PRKCZ: variants seen among roughly 807,000 people sequenced by gnomAD.
PRKCZ encodes the protein protein kinase C zeta type.
Under a neutral mutation model 79.5 loss-of-function variants are expected in PRKCZ, and 33 were observed. The observed-to-expected ratio is 0.41, with a 90% CI of 0.31 to 0.55. PRKCZ has a LOEUF of 0.55. Among genes scored for constraint, PRKCZ ranks in the 20% least tolerant of loss-of-function variants. The pLI is 0.19. For synonymous variants in PRKCZ, 342 were observed against 320.9 expected (o/e 1.07, Z -0.70); for missense variants, 578 against 813.5 (o/e 0.71, Z 3.52).
In PRKCZ at chr1:2,050,616, C is replaced by CG. The variant is rs1205324776; in HGVS notation, c.-9dup. 8.2e-7 allele frequency: 1 copy of CG among 1,220,804 alleles called. No individual in the cohort carries two copies. The highest frequency in any genetic ancestry group is 1.0e-6 in the Non-Finnish European group (1 of 980,190). The allele number at this position is 1,220,804 out of a possible 1,614,324, so 75.6% of individuals were successfully genotyped here. On this transcript the variant is annotated 5_prime_UTR_variant, in exon 1 of 18. Transcript: ENST00000378567. ...TCCCGGGGCGCAGCGCTGACGGCGG[C>CG]GGGGGGAGCGCGCCATGCCCAGCAG...
At chr1:2,180,509 A>G (rs1686382927) in intron 16 of PRKCZ, among the ~76,000 whole-genome samples, 1 of 150,100 alleles carries the variant, frequency 6.7e-6, no homozygotes, top group African/African-American at 2.5e-5. Context: ...CGCACAGATG[A>G]CGTGGACGCA....
At chr1:2,155,259 T>C (rs1028871939) in intron 9 of PRKCZ, among the ~76,000 whole-genome samples, 4 of 148,768 alleles carry the variant, frequency 2.7e-5, no homozygotes, top group East Asian at 2.0e-4. Flanking sequence ...AGTGATGACA[T>C]TGAGGATGAC....
At chr1:2,072,965 A>G (rs957768789) in intron 4 of PRKCZ, among the ~76,000 whole-genome samples, 3 of 152,014 alleles carry the variant, frequency 2.0e-5, no homozygotes, top group Non-Finnish European at 4.4e-5. Context: ...CATGTTTTTT[A>G]TGATTGGAGG....
chr1:2,050,652 A>T lies in PRKCZ; in HGVS notation c.22A>T (p.Lys8Ter). ...CGCCATGCCCAGCAGGACCGGCCCC[A>T]AGATGGAAGGGAGCGGCGGCCGCGT... Reference protein sequence around the residue: MPSRTGPKMEGSGGRVRL... With the variant: MPSRTGP The change falls in exon 1 of 18, where the codon AAG (lysine) becomes TAG (stop). Residue 8 changes from lysine (K) to a stop codon, truncating the protein, a stop_gained. Coordinates refer to ENST00000378567, the MANE Select transcript of PRKCZ (RefSeq NM_002744.6). LOFTEE classifies it high-confidence loss of function. The T allele has an allele frequency of 8.2e-7, 1 of 1,226,500 alleles. No individual in the cohort carries two copies. The highest frequency in any genetic ancestry group is 1.0e-6 in the Non-Finnish European group (1 of 984,432). 76.0% of individuals were successfully genotyped at this position (1,226,500 alleles called of 1,614,324 possible). A position where few individuals can be genotyped will look rare whatever the true frequency, so the allele number is the denominator to read the frequency against.
At chr1:2,053,320 C>T (rs551804863) in intron 1 of PRKCZ, among the ~76,000 whole-genome samples, 3 of 152,226 alleles carry the variant, frequency 2.0e-5, no homozygotes, top group Admixed American at 6.5e-5. Context: ...AGGCTGGTCT[C>T]GAACTTCTGA....
At chr1:2,154,631 G>A (rs562037285) in intron 9 of PRKCZ, among the ~76,000 whole-genome samples, 13 of 152,190 alleles carry the variant, frequency 8.5e-5, no homozygotes, top group East Asian at 1.9e-4. Flanking sequence ...TCCAGAGGTC[G>A]AGGCTGCAGT....
At chr1:2,182,530 T>TC (rs1686805327) in intron 16 of PRKCZ, 1 of 154,988 alleles carries the variant, frequency 6.5e-6, no homozygotes, top group South Asian at 2.0e-4. Context: ...TCTTGGCTCT[T>TC]CCGGAGGGAA....
At position 2,157,075 on chromosome 1, in the gene PRKCZ, G is replaced by A. The variant is rs114017487; in HGVS notation, c.974+983G>A. Among the ~76,000 whole-genome samples the A allele has an allele frequency of 1.6e-4, 24 of 152,350 alleles. 1 individual carries two copies. The highest frequency in any genetic ancestry group is 2.9e-4 in the Non-Finnish European group (20 of 68,032). On this transcript the variant is annotated intron_variant, in intron 10 of 17. Transcript: ENST00000378567. ...CTGAGAGCCAGGAGCTGATGGGGTCGCTTCCAGTCCGGGTCTGAAGGCCTC... is the reference window on the plus strand; with the variant it reads ...CTGAGAGCCAGGAGCTGATGGGGTCACTTCCAGTCCGGGTCTGAAGGCCTC...
At chr1:2,073,905 C>T in intron 4 of PRKCZ, 4 of 1,284,984 alleles carry the variant, frequency 3.1e-6, no homozygotes, top group Non-Finnish European at 4.0e-6. Context: ...AGAATCTGCG[C>T]TGAGGAGGCA....
At chr1:2,121,539 GTTATA>G (rs1338847892) in intron 4 of PRKCZ, among the ~76,000 whole-genome samples, 2,875 of 102,720 alleles carry the variant, frequency 0.028, 233 homozygotes, top group Admixed American at 0.043. Flanking sequence ...AGTAGTTAGG[GTTATA>G]TCAGTAGTTA....
At chr1:2,120,296 T>G (rs74536834) in intron 4 of PRKCZ, among the ~76,000 whole-genome samples, 15 of 118,072 alleles carry the variant, frequency 1.3e-4, no homozygotes, top group African/African-American at 4.7e-4. Context: ...ACTTTTCGTT[T>G]TTTTTTTTTT....
chr1:2,120,130 A>T (rs1462950845), intron 4 of PRKCZ, among the ~76,000 whole-genome samples: 1 of 151,996 alleles, frequency 6.6e-6, no homozygotes, highest in Non-Finnish European at 1.5e-5. Flanking sequence ...GGAAGGCAAC[A>T]TCTCTTTTCT....
At chr1:2,085,349 C>T (rs1407587247) in intron 4 of PRKCZ, among the ~76,000 whole-genome samples, 1 of 152,260 alleles carries the variant, frequency 6.6e-6, no homozygotes, top group Non-Finnish European at 1.5e-5. Context: ...CCCTGTGTTA[C>T]CGGATCTTCA....
At chr1:2,117,039 T>A (rs1393744662) in intron 4 of PRKCZ, among the ~76,000 whole-genome samples, 1 of 151,978 alleles carries the variant, frequency 6.6e-6, no homozygotes, top group Non-Finnish European at 1.5e-5. Flanking sequence ...AGCCTTGACC[T>A]CCTGGGCTCA....
At chr1:2,109,285 G>A (rs1294054899) in intron 4 of PRKCZ, among the ~76,000 whole-genome samples, 2 of 152,168 alleles carry the variant, frequency 1.3e-5, no homozygotes, top group Non-Finnish European at 1.5e-5. Flanking sequence ...CTGGAGTGAG[G>A]GCAGCAGAGG....
intron 4 of PRKCZ, among the ~76,000 whole-genome samples, chr1:2,097,087 T>C (rs1448022161): frequency 6.6e-6 from 1 of 152,218 alleles, no homozygotes; most frequent in East Asian, 1.9e-4. Context: ...AGAGGCTTCA[T>C]CGCCTGCACA....
chr1:2,100,679 T>G (rs139265802), intron 4 of PRKCZ, among the ~76,000 whole-genome samples: 1,686 of 151,404 alleles, frequency 0.011, 18 homozygotes, highest in Middle Eastern at 0.02. Flanking sequence ...GCTGGTGGTG[T>G]GCAGTGAACA....
Position 2,082,566 on chromosome 1 carries a change from C to T in PRKCZ, c.334+22975C>T, listed in dbSNP as rs1010178285. ...GAAGGAACGATGGTGGGATTTGTCA[C>T]TCAGTCGATTTCCCTGGTGTAAATG... On this transcript the variant is annotated intron_variant, in intron 4 of 17. Coordinates refer to ENST00000378567, the MANE Select transcript of PRKCZ (RefSeq NM_002744.6). The surrounding 1 kb of genome is among the most constrained non-coding windows in gnomAD (Gnocchi z 4.4). The T allele has an allele frequency of 2.6e-6, 1 of 379,686 alleles. No individual in the cohort carries two copies. Among genetic ancestry groups the T allele is most frequent in the African/African-American group, 2.1e-5 (1 of 47,538 alleles). 23.5% of individuals were successfully genotyped at this position (379,686 alleles called of 1,614,324 possible).
Position 2,148,623 on chromosome 1 carries a change from G to T in PRKCZ, c.635-249G>T, listed in dbSNP as rs529169902. Among the ~76,000 whole-genome samples the T allele has an allele frequency of 1.4e-4, 21 of 152,348 alleles. 1 individual carries two copies. In the South Asian group the frequency reaches 3.5e-3, roughly 26 times the overall value. On this transcript the variant is annotated intron_variant, in intron 7 of 17. Coordinates refer to ENST00000378567, the MANE Select transcript of PRKCZ (RefSeq NM_002744.6). ...ACCAAAATCCGGTGACGAATTATTT[G>T]CAGATGGACCCCTGGGGACGTATGT...
Sources: gnomAD v4.1 joint callset for allele counts (sites outside exome capture counted in the v4.1 genomes callset) on GRCh38, gnomAD v4.1.1 for gene constraint, Gnocchi (gnomAD v3.1) non-coding constraint, MANE v1.5 for transcripts, NCBI Gene and HGNC (gene_info 2026-07-23, HGNC 2026-07-21) for gene names.